CTNNA2: variants seen among roughly 807,000 people sequenced by gnomAD.
CTNNA2 encodes catenin alpha-2.
In CTNNA2, 42 loss-of-function variants were observed where a neutral mutation model predicts 101.0. The ratio of observed to expected loss-of-function variants is 0.42; its 90% CI spans 0.32 to 0.54. CTNNA2 has a LOEUF of 0.54. Ranked by LOEUF, CTNNA2 falls within the 20% of genes least tolerant of loss-of-function variation. CTNNA2 has a pLI of 0.14. For missense variants in CTNNA2, 871 were observed against 1,223.1 expected (o/e 0.71, Z 4.29); for synonymous variants, 450 against 456.4 (o/e 0.99, Z 0.18).
At chr2:80,168,819 T>A (rs969274451) in intron 7 of CTNNA2, among the ~76,000 whole-genome samples, 2 of 152,076 alleles carry the variant, frequency 1.3e-5, no homozygotes, top group African/African-American at 4.8e-5. Flanking sequence ...GTGATTCGAA[T>A]GTATAGTAGG....
chr2:80,463,974 C>A (rs1267529162), intron 9 of CTNNA2, among the ~76,000 whole-genome samples: 2 of 152,214 alleles, frequency 1.3e-5, no homozygotes, highest in East Asian at 3.9e-4. Context: ...CCTTTTTCAT[C>A]TTCTGCCTCT....
intron 7 of CTNNA2, among the ~76,000 whole-genome samples, chr2:80,034,304 G>A (rs17018569): frequency 0.013 from 1,951 of 149,904 alleles, 31 homozygotes; most frequent in African/African-American, 0.044. Context: ...TGACAGGGAA[G>A]TACAAACAGT....
At chr2:79,623,277 T>G in intron 1 of CTNNA2, among the ~76,000 whole-genome samples, 1 of 152,196 alleles carries the variant, frequency 6.6e-6, no homozygotes, top group East Asian at 1.9e-4. Flanking sequence ...CTCATCCTTT[T>G]GGTGCAGTTG....
intron 7 of CTNNA2, among the ~76,000 whole-genome samples, chr2:80,342,630 T>A (rs1245322498): frequency 6.6e-6 from 1 of 152,354 alleles, no homozygotes; most frequent in East Asian, 1.9e-4. Context: ...AACTGCCACC[T>A]AATTTTTTTT....
chr2:79,604,342 C>T lies in CTNNA2; in HGVS notation c.-5-47210C>T, dbSNP rs141033321. 6.6e-5 allele frequency among the ~76,000 whole-genome samples: 10 copies of T among 152,258 alleles called. No individual in the cohort carries two copies. The East Asian group carries it at 1.9e-3, about 29-fold the overall frequency. On this transcript the variant is annotated intron_variant, in intron 1 of 18. Transcript: ENST00000402739. Reference sequence around the variant, plus strand: ...GAAATCATGTTTTTTAAGGCAGTAGCCACTAGGCTTCAATGTACAGTGATC... The same window carrying T: ...GAAATCATGTTTTTTAAGGCAGTAGTCACTAGGCTTCAATGTACAGTGATC...
At chr2:79,772,439 A>G (rs1224585518) in intron 3 of CTNNA2, among the ~76,000 whole-genome samples, 2 of 152,178 alleles carry the variant, frequency 1.3e-5, no homozygotes, top group Non-Finnish European at 1.5e-5. Context: ...ATAGTGGTTT[A>G]ATTCCATCTC....
intron 1 of CTNNA2, among the ~76,000 whole-genome samples, chr2:79,584,372 C>G (rs1676337999): frequency 6.6e-6 from 1 of 151,578 alleles, no homozygotes; most frequent in African/African-American, 2.4e-5. Context: ...GATTTTTTTT[C>G]TTGTTGTCTT....
At chr2:79,627,493 G>T (rs1422947775) in intron 1 of CTNNA2, among the ~76,000 whole-genome samples, 1 of 152,162 alleles carries the variant, frequency 6.6e-6, no homozygotes, top group African/African-American at 2.4e-5. Flanking sequence ...GACAGATCCG[G>T]TAGAACGCAT....
At chr2:79,366,666 T>G (rs765851679) in intron 3 of CTNNA2, among the ~76,000 whole-genome samples, 2 of 152,184 alleles carry the variant, frequency 1.3e-5, no homozygotes, top group Non-Finnish European at 2.9e-5. Context: ...AAGAGAGTTA[T>G]CAGAGGTTAA....
intron 7 of CTNNA2, among the ~76,000 whole-genome samples, chr2:80,315,198 T>C (rs986756631): frequency 6.6e-5 from 10 of 152,212 alleles, no homozygotes; most frequent in African/African-American, 2.4e-4. Flanking sequence ...TCTCAGACTT[T>C]TGACTGCTCC....
At position 79,951,346 on chromosome 2, in the gene CTNNA2, A is replaced by G. The variant is rs1380503208; in HGVS notation, c.1056+41549A>G. ...AGCCAGGGTTAGTAATCTTTTCCCA[A>G]TAATTAAATTTACCCCTGCATTTAA... On this transcript the variant is annotated intron_variant, in intron 7 of 18. Coordinates refer to ENST00000402739, the MANE Select transcript of CTNNA2 (RefSeq NM_001282597.3). Among the ~76,000 whole-genome samples, 5 of 152,312 alleles carry G rather than the reference A, an allele frequency of 3.3e-5. No homozygotes were observed. In the East Asian group the frequency reaches 7.7e-4, roughly 24 times the overall value.
chr2:80,502,657 C>T (rs1264644765), intron 9 of CTNNA2, among the ~76,000 whole-genome samples: 1 of 152,196 alleles, frequency 6.6e-6, no homozygotes, highest in South Asian at 2.1e-4. Flanking sequence ...AGCAGGCTGT[C>T]AGGCAGCTCA....
intron 4 of CTNNA2, among the ~76,000 whole-genome samples, chr2:79,457,765 G>A (rs1310068525): frequency 6.6e-6 from 1 of 152,142 alleles, no homozygotes; most frequent in Non-Finnish European, 1.5e-5. Flanking sequence ...GTTAACGAAG[G>A]GAGAATTGAC....
intron 4 of CTNNA2, among the ~76,000 whole-genome samples, chr2:79,387,707 A>G (rs761252719): frequency 4.5e-4 from 68 of 152,326 alleles, no homozygotes; most frequent in Admixed American, 2.0e-3. Flanking sequence ...CAAAGAAAGC[A>G]GAACTCCAAA....
intron 4 of CTNNA2, among the ~76,000 whole-genome samples, chr2:79,375,942 G>A (rs1573135619): frequency 6.6e-6 from 1 of 152,232 alleles, no homozygotes; most frequent in East Asian, 1.9e-4. Flanking sequence ...ACAAAGACTT[G>A]TATGAAGAGA....
In CTNNA2 at chr2:79,524,215, G is replaced by A. The variant is rs143215228; in HGVS notation, c.-6+11008G>A. Among the ~76,000 whole-genome samples, 5 of 151,982 alleles carry A rather than the reference G, an allele frequency of 3.3e-5. No individual in the cohort carries two copies. In the East Asian group the frequency reaches 9.7e-4, roughly 29 times the overall value. ...TCAATTCATAATCTTTCCATTGGCA[G>A]GTCTCTTTATTCAAGTCTTTTTTGT... On this transcript the variant is annotated intron_variant, in intron 1 of 18. Coordinates refer to ENST00000402739, the MANE Select transcript of CTNNA2 (RefSeq NM_001282597.3).
intron 12 of CTNNA2, among the ~76,000 whole-genome samples, chr2:80,556,843 C>A (rs149968246): frequency 2.2e-4 from 33 of 152,298 alleles, no homozygotes; most frequent in African/African-American, 7.9e-4. Flanking sequence ...AAGGGCCTCT[C>A]CCCTCAAACC....
At chr2:80,315,952 C>G (rs989349586) in intron 7 of CTNNA2, among the ~76,000 whole-genome samples, 1 of 152,198 alleles carries the variant, frequency 6.6e-6, no homozygotes, top group African/African-American at 2.4e-5. Context: ...CCAAGACCCA[C>G]TGTAACAAAT....
chr2:79,844,979 TACAC>T (rs59885288), intron 3 of CTNNA2, among the ~76,000 whole-genome samples: 112 of 140,298 alleles, frequency 8.0e-4, no homozygotes, highest in African/African-American at 2.9e-3. Context: ...GAAAACAAAC[TACAC>T]ACACACACAC....
Sources: gnomAD v4.1 joint callset for allele counts (sites outside exome capture counted in the v4.1 genomes callset) on GRCh38, gnomAD v4.1.1 for gene constraint, MANE v1.5 for transcripts, NCBI Gene and HGNC (gene_info 2026-07-23, HGNC 2026-07-21) for gene names.